Variants in PRPF38A observed in about 807,000 individuals in gnomAD.
PRPF38A encodes the protein pre-mRNA processing factor 38A, also known as pre-mRNA-splicing factor 38A.
A neutral mutation model predicts 46.8 loss-of-function variants in PRPF38A; 11 were observed. The ratio of observed to expected loss-of-function variants is 0.24; its 90% CI spans 0.15 to 0.39. PRPF38A has a LOEUF of 0.39. PRPF38A is among the 10% of genes least tolerant of loss of function. PRPF38A has a pLI of 1.00. For synonymous variants in PRPF38A, 124 were observed against 136.2 expected (o/e 0.91, Z 0.62); for missense variants, 261 against 407.5 (o/e 0.64, Z 3.10).
In PRPF38A at chr1:52,415,336, AG is replaced by A; in HGVS notation, c.848del. On this transcript the variant is annotated splice_acceptor_variant, in intron 8 of 9. Transcript: ENST00000257181. LOFTEE classifies it high-confidence loss of function. ...CTTATGCAATGGCCTTTTCTTCCCC[AG>A]GTCATCACCGTAGTCACAGACACAG... 6.2e-7 allele frequency: 1 copy of A among 1,613,768 alleles called. No homozygotes were observed. The highest frequency in any genetic ancestry group is 8.5e-7 in the Non-Finnish European group (1 of 1,179,732).
At chr1:52,406,327 T>G (rs1028616634) in intron 2 of PRPF38A, among the ~76,000 whole-genome samples, 1 of 152,178 alleles carries the variant, frequency 6.6e-6, no homozygotes, top group Non-Finnish European at 1.5e-5. Context: ...TGTATTAATC[T>G]TCTACTTTAC....
At chr1:52,413,412 T>C (rs540435746) in intron 5 of PRPF38A, among the ~76,000 whole-genome samples, 35 of 138,898 alleles carry the variant, frequency 2.5e-4, no homozygotes, top group South Asian at 8.9e-4. Context: ...GGAAGCAAAC[T>C]TTTTTTTTTT....
intron 4 of PRPF38A, 71 bp downstream of exon 4, chr1:52,411,271 C>A: frequency 1.8e-6 from 2 of 1,085,502 alleles, no homozygotes; most frequent in Non-Finnish European, 1.4e-6. Flanking sequence ...AACACATACA[C>A]ACAGCTTAAA....
At chr1:52,414,552 G>T in intron 6 of PRPF38A, 69 bp from the exon 7 acceptor site, 1 of 1,535,200 alleles carries the variant, frequency 6.5e-7, no homozygotes, top group South Asian at 1.1e-5. Context: ...GATAAGATTG[G>T]GGCCGTTTTT....
chr1:52,410,728 C>T (rs752434170), intron 3 of PRPF38A, among the ~76,000 whole-genome samples: 1 of 152,164 alleles, frequency 6.6e-6, no homozygotes, highest in Non-Finnish European at 1.5e-5. Flanking sequence ...TCTTGAACTC[C>T]TAACCTCAAG....
chr1:52,409,756 G>C (rs927870023), intron 3 of PRPF38A: 1 of 152,156 alleles, frequency 6.6e-6, no homozygotes, highest in Non-Finnish European at 1.5e-5. Flanking sequence ...GGCCATGATG[G>C]AGTTATTTAT....
intron 3 of PRPF38A, among the ~76,000 whole-genome samples, chr1:52,410,761 C>G (rs577527948): frequency 1.3e-5 from 2 of 152,282 alleles, no homozygotes; most frequent in South Asian, 4.1e-4. Context: ...CTTGGCCTCC[C>G]AAAGTGCTGG....
At chr1:52,414,118 T>G in intron 6 of PRPF38A, 127 bp downstream of exon 6, 1 of 640,614 alleles carries the variant, frequency 1.6e-6, no homozygotes, top group East Asian at 2.7e-5. Context: ...TATCTGTTGC[T>G]GCAAAACAAC....
intron 4 of PRPF38A, among the ~76,000 whole-genome samples, chr1:52,411,847 AC>A (rs768519029): frequency 6.6e-6 from 1 of 151,964 alleles, no homozygotes; most frequent in Non-Finnish European, 1.5e-5. Flanking sequence ...TTGAAAACCT[AC>A]TTTGAGGGCC....
intron 9 of PRPF38A, 130 bp downstream of exon 9, chr1:52,415,516 G>T: frequency 1.4e-6 from 1 of 706,596 alleles, no homozygotes. Context: ...TTGGTCTATT[G>T]CTTTGAGAAT....
At chr1:52,415,630 C>T (rs1416481645) in intron 9 of PRPF38A, among the ~76,000 whole-genome samples, 1 of 150,538 alleles carries the variant, frequency 6.6e-6, no homozygotes, top group Non-Finnish European at 1.5e-5. Flanking sequence ...CTCACTGCAG[C>T]CTCTGCCTCC....
chr1:52,413,900 G>C lies in PRPF38A; in HGVS notation c.631G>C (p.Asp211His). Reference protein sequence around the residue: ...DEKLERVPSPDHRRRSYRDLD... With the variant: ...DEKLERVPSPHHRRRSYRDLD... ...CCAGTTGGAAAGAGTGCCATCACCT[G>C]ATCACCGCCGGAGAAGCTACCGAGA... Residue 211 changes from aspartate (D) to histidine (H), a missense_variant, in exon 6 of 10, where the codon GAT becomes CAT. Physicochemically the swap from Asp to His is moderately conservative, Grantham distance 81. Coordinates refer to ENST00000257181, the MANE Select transcript of PRPF38A (RefSeq NM_032864.4). 6.2e-7 allele frequency: 1 copy of C among 1,613,714 alleles called. No homozygotes were observed.
At position 52,416,917 on chromosome 1, in the gene PRPF38A, G is replaced by T; in HGVS notation, c.*227G>T. 1.9e-6 allele frequency: 1 copy of T among 536,890 alleles called. No homozygotes were observed. Among genetic ancestry groups the T allele is most frequent in the East Asian group, 3.2e-5 (1 of 31,258 alleles). The allele number at this position is 536,890 out of a possible 1,614,324, so 33.3% of individuals were successfully genotyped here. ...TAACCTTGACTGTATTCAAACTTAT[G>T]AGAGTATAAAGGATCTGGAGGTTGG... On this transcript the variant is annotated 3_prime_UTR_variant, in exon 10 of 10. Transcript: ENST00000257181.
At chr1:52,407,164 C>T (rs1569973495) in intron 2 of PRPF38A, among the ~76,000 whole-genome samples, 1 of 151,976 alleles carries the variant, frequency 6.6e-6, no homozygotes, top group Admixed American at 6.6e-5. Flanking sequence ...ACTACAGGCG[C>T]CCACCACTAC....
In PRPF38A at chr1:52,418,053, C is replaced by CAGCT. The variant is rs1648340587; in HGVS notation, c.*1364_*1367dup. 1 of 152,582 alleles carries CAGCT rather than the reference C, an allele frequency of 6.6e-6. No individual in the cohort carries two copies. Among genetic ancestry groups the CAGCT allele is most frequent in the East Asian group, 1.9e-4 (1 of 5,204 alleles). 9.5% of individuals were successfully genotyped at this position (152,582 alleles called of 1,614,324 possible). ...TAGTCCCAGCAGGAACTGTGAAGACCAGCTGCCCTGCAGGATCCAGTTTTT... is the reference window on the plus strand; with the variant it reads ...TAGTCCCAGCAGGAACTGTGAAGACCAGCTAGCTGCCCTGCAGGATCCAGTTTTT... On this transcript the variant is annotated 3_prime_UTR_variant, in exon 10 of 10. Coordinates refer to ENST00000257181, the MANE Select transcript of PRPF38A (RefSeq NM_032864.4).
chr1:52,414,038 A>T, intron 6 of PRPF38A, 47 bp downstream of exon 6: 1 of 1,294,352 alleles, frequency 7.7e-7, no homozygotes, highest in Non-Finnish European at 1.1e-6. Context: ...TGAGCACTGT[A>T]GCCTAGAAGT....
At position 52,404,875 on chromosome 1, in the gene PRPF38A, T is replaced by C. The variant is rs142380332; in HGVS notation, c.126T>C (p.Leu42=). 269 of 1,613,682 alleles carry C rather than the reference T, an allele frequency of 1.7e-4. 3 individuals carry two copies. In the African/African-American group the frequency reaches 2.8e-3, roughly 17 times the overall value. Residue 42 remains leucine, a synonymous_variant, in exon 1 of 10, where the codon CTT becomes CTC. Transcript: ENST00000257181. ...SKYWKEECFG[L]TAELVVDKAM... ...ACTGGAAAGAGGAGTGCTTTGGACT[T>C]ACAGGTAAGTGGAAGCGCGCGGAGC...
intron 6 of PRPF38A, 81 bp from the exon 7 acceptor site, chr1:52,414,540 A>G: frequency 1.4e-6 from 2 of 1,431,528 alleles, no homozygotes; most frequent in Non-Finnish European, 2.0e-6. Context: ...AGAAGCGTGA[A>G]GGATAAGATT....
chr1:52,411,195 C>A lies in PRPF38A; in HGVS notation c.493C>A (p.Leu165Ile). ...AGTCTGTGATATCATTCTGCCCCGA[C>A]TACAGGTAAGAAATAAAAGTCTGTT... is the stretch of plus-strand genomic sequence containing the variant. Reference protein sequence around the residue: ...ERVCDIILPRLQKRYVLEEAE... With the variant: ...ERVCDIILPRIQKRYVLEEAE... Residue 165 changes from leucine to isoleucine, a missense_variant, in exon 4 of 10, where the codon CTA becomes ATA. Leu to Ile is a conservative substitution (Grantham distance 5). Around this residue, in one of 2 missense-constraint regions of PRPF38A, gnomAD observed 180 missense variants for 221.0 expected, o/e 0.81. Transcript: ENST00000257181. 6.2e-7 allele frequency: 1 copy of A among 1,610,892 alleles called. No homozygotes were observed. The highest frequency in any genetic ancestry group is 1.1e-5 in the South Asian group (1 of 91,014).
Sources: gnomAD v4.1 joint callset for allele counts (sites outside exome capture counted in the v4.1 genomes callset) on GRCh38, gnomAD v4.1.1 for gene constraint, gnomAD v4.1.1 regional missense constraint, MANE v1.5 for transcripts, NCBI Gene and HGNC (gene_info 2026-07-23, HGNC 2026-07-21) for gene names.